HCRTR2: variants seen among roughly 807,000 people sequenced by gnomAD.
HCRTR2 encodes orexin receptor type 2.
A neutral mutation model predicts 49.0 loss-of-function variants in HCRTR2; 22 were observed. The observed-to-expected ratio is 0.45, with a 90% CI of 0.32 to 0.64. The LOEUF is 0.64. Among genes scored for constraint, HCRTR2 ranks in the 30% least tolerant of loss-of-function variants. HCRTR2 has a pLI of 0.04. For synonymous variants in HCRTR2, 236 were observed against 205.3 expected (o/e 1.15, Z -1.28); for missense variants, 491 against 559.4 (o/e 0.88, Z 1.23).
chr6:55,225,072 C>A (rs765121224), intron 1 of HCRTR2, among the ~76,000 whole-genome samples: 3 of 151,990 alleles, frequency 2.0e-5, no homozygotes, highest in Non-Finnish European at 4.4e-5. Context: ...TTTAGCCATT[C>A]CACAATGTAT....
chr6:55,169,244 A>G (rs974737091), intron 1 of HCRTR2, among the ~76,000 whole-genome samples: 1 of 151,926 alleles, frequency 6.6e-6, no homozygotes, highest in Non-Finnish European at 1.5e-5. Flanking sequence ...TGTTGAATAA[A>G]AAACATAAGG....
At chr6:55,267,434 CAG>C (rs1766882034) in intron 4 of HCRTR2, among the ~76,000 whole-genome samples, 1 of 141,264 alleles carries the variant, frequency 7.1e-6, no homozygotes, top group African/African-American at 2.7e-5. Context: ...CAATTCGACT[CAG>C]AGTACTCAGG....
intron 1 of HCRTR2, among the ~76,000 whole-genome samples, chr6:55,207,930 G>T (rs765164602): frequency 6.6e-6 from 1 of 152,148 alleles, no homozygotes; most frequent in Non-Finnish European, 1.5e-5. Context: ...ACAGTTTGTA[G>T]TATCCGTGAT....
intron 1 of HCRTR2, among the ~76,000 whole-genome samples, chr6:55,228,050 C>CA (rs1562014193): frequency 6.6e-6 from 1 of 151,970 alleles, no homozygotes. Flanking sequence ...AGGGAGGAGT[C>CA]AATTAAGACT....
chr6:55,207,662 A>G (rs1765624385), intron 1 of HCRTR2, among the ~76,000 whole-genome samples: 1 of 152,168 alleles, frequency 6.6e-6, no homozygotes, highest in African/African-American at 2.4e-5. Context: ...TGAAAGAATG[A>G]TATAACCTCC....
intron 1 of HCRTR2, among the ~76,000 whole-genome samples, chr6:55,202,662 T>C (rs928194709): frequency 5.9e-5 from 9 of 152,112 alleles, no homozygotes; most frequent in African/African-American, 2.2e-4. Flanking sequence ...TTTTTTAGAA[T>C]ATTAATCTCG....
chr6:55,145,829 T>TA (rs548608926), intron 1 of HCRTR2, among the ~76,000 whole-genome samples: 3 of 151,970 alleles, frequency 2.0e-5, no homozygotes, highest in South Asian at 2.1e-4. Context: ...CTTATTTTTT[T>TA]AAAAAAAGCT....
At chr6:55,219,290 G>A (rs1242030904) in intron 1 of HCRTR2, among the ~76,000 whole-genome samples, 1 of 152,170 alleles carries the variant, frequency 6.6e-6, no homozygotes, top group Non-Finnish European at 1.5e-5. Context: ...TAGATCATAT[G>A]CTGTGTCACA....
At chr6:55,189,716 G>A (rs1434993628) in intron 1 of HCRTR2, among the ~76,000 whole-genome samples, 1 of 152,112 alleles carries the variant, frequency 6.6e-6, no homozygotes, top group Non-Finnish European at 1.5e-5. Flanking sequence ...TGGGTTGATA[G>A]GTGTAGCAAA....
chr6:55,193,061 A>G (rs899059834), intron 1 of HCRTR2, among the ~76,000 whole-genome samples: 3 of 152,214 alleles, frequency 2.0e-5, no homozygotes, highest in Admixed American at 6.5e-5. Flanking sequence ...GAATAGGTAT[A>G]AACTAAATAA....
chr6:55,160,980 G>A (rs1378164993), intron 1 of HCRTR2, among the ~76,000 whole-genome samples: 1 of 152,108 alleles, frequency 6.6e-6, no homozygotes, highest in East Asian at 1.9e-4. Context: ...GGACCAAGCA[G>A]GCCTAATAGA....
rs200342715 is a variant in HCRTR2 at position 55,174,561 on chromosome 6, T to C, written c.-27T>C. 8.8e-6 allele frequency: 14 copies of C among 1,584,032 alleles called. No individual in the cohort carries two copies. In the African/African-American group the frequency reaches 1.9e-4, roughly 21 times the overall value. On this transcript the variant is annotated 5_prime_UTR_variant, in exon 1 of 7. Coordinates refer to ENST00000370862, the MANE Select transcript of HCRTR2 (RefSeq NM_001384272.1). ...GGCAGGCGGAGAGGAGCTTGCAGCA[T>C]TGAGCGGAACCGGACTTGAGCCCGT...
At chr6:55,263,245 C>G (rs2127322688) in intron 3 of HCRTR2, among the ~76,000 whole-genome samples, 1 of 152,114 alleles carries the variant, frequency 6.6e-6, no homozygotes, top group East Asian at 1.9e-4. Flanking sequence ...AGGGAACTTA[C>G]ATTCTAATAA....
rs148813257 is a variant in HCRTR2 at position 55,166,717 on chromosome 6, T to C, written c.-377-7494T>C. Among the ~76,000 whole-genome samples, 7 of 152,166 alleles carry C rather than the reference T, an allele frequency of 4.6e-5. No homozygotes were observed. The South Asian group carries it at 8.3e-4, about 18-fold the overall frequency. On this transcript the variant is annotated intron_variant, in intron 1 of 7. Coordinates refer to the HCRTR2 transcript ENST00000615358. Reference sequence around the variant, plus strand: ...ACTCCCAGGCATGCACCCAAGAGCATTGAAAACATAAGTACACACAAAAAC... The same window carrying C: ...ACTCCCAGGCATGCACCCAAGAGCACTGAAAACATAAGTACACACAAAAAC...
intron 1 of HCRTR2, among the ~76,000 whole-genome samples, chr6:55,203,380 A>G (rs1765544752): frequency 6.6e-6 from 1 of 152,118 alleles, no homozygotes. Flanking sequence ...TTTGCTTTCT[A>G]TCTTTTTTAT....
rs71683862 is a variant in HCRTR2, at chr6:55,254,764, G to GT, written c.403-361dup. 5.8e-3 allele frequency among the ~76,000 whole-genome samples: 840 copies of GT among 144,246 alleles called. 8 individuals carry two copies. Among genetic ancestry groups the GT allele is most frequent in the South Asian group, 0.032 (144 of 4,566 alleles). The allele number at this position is 144,246 out of a possible 152,430, so 94.6% of individuals were successfully genotyped here. A position where few individuals can be genotyped will look rare whatever the true frequency, so the allele number is the denominator to read the frequency against. Reference sequence around the variant, plus strand: ...TTTCCAGTTTGGACTAAACATATGTGTTTTTTTTTTTCTATATGAGGGTAT... The same window carrying GT: ...TTTCCAGTTTGGACTAAACATATGTGTTTTTTTTTTTTCTATATGAGGGTAT... On this transcript the variant is annotated intron_variant, in intron 2 of 6. Coordinates refer to ENST00000370862, the MANE Select transcript of HCRTR2 (RefSeq NM_001384272.1).
intron 1 of HCRTR2, among the ~76,000 whole-genome samples, chr6:55,159,267 A>AAAAAACAAAAAC (rs58118959): frequency 7.0e-4 from 105 of 149,470 alleles, no homozygotes; most frequent in African/African-American, 8.9e-4. Context: ...ATCAACATCA[A>AAAAAACAAAAAC]AAAAACAAAA....
intron 1 of HCRTR2, among the ~76,000 whole-genome samples, chr6:55,185,553 T>C (rs968521418): frequency 1.3e-5 from 2 of 152,226 alleles, no homozygotes; most frequent in African/African-American, 4.8e-5. Flanking sequence ...AGTTTGGGGA[T>C]TGGATGATAT....
rs570381771 is a variant in HCRTR2, at chr6:55,142,800, T to C, written c.-377-31411T>C. On this transcript the variant is annotated intron_variant, in intron 1 of 7. Coordinates refer to the HCRTR2 transcript ENST00000615358. ...TGTTACCAGACCCATGAATCATCTA[T>C]GTTTATTTCTATACAAGGAAACACC... 8.6e-5 allele frequency among the ~76,000 whole-genome samples: 13 copies of C among 152,038 alleles called. No homozygotes were observed. The South Asian group carries it at 1.2e-3, about 15-fold the overall frequency.
Sources: gnomAD v4.1 joint callset for allele counts (sites outside exome capture counted in the v4.1 genomes callset) on GRCh38, gnomAD v4.1.1 for gene constraint, MANE v1.5 for transcripts, NCBI Gene and HGNC (gene_info 2026-07-23, HGNC 2026-07-21) for gene names.